The following XPO5 variants were observed in gnomAD, a reference collection of about 807,000 sequenced individuals.
XPO5 encodes the protein exportin 5, also known as exportin-5.
Under a neutral mutation model 160.6 loss-of-function variants are expected in XPO5, and 46 were observed. The observed-to-expected ratio is 0.29, with a 90% CI of 0.23 to 0.37. XPO5 has a LOEUF of 0.37. Among genes scored for constraint, XPO5 ranks in the 10% least tolerant of loss-of-function variants. The pLI is 1.00. For missense variants in XPO5, 1,090 were observed against 1,463.9 expected, an observed-to-expected ratio of 0.74 and a Z score of 4.17; for synonymous variants, 537 against 519.3, an observed-to-expected ratio of 1.03 and a Z score of -0.46.
At chr6:43,541,854 T>C (rs943208686) in intron 20 of XPO5, among the ~76,000 whole-genome samples, 1 of 152,226 alleles carries the variant, frequency 6.6e-6, no homozygotes, top group Non-Finnish European at 1.5e-5. Flanking sequence ...CTTAGCTCAC[T>C]GTAACCTCCA....
chr6:43,525,866 G>A lies in XPO5; in HGVS notation c.3039C>T (p.Asp1013=). Reference sequence around the variant, plus strand: ...CATGCTTCATCAGACATTTGCCCAGGTCTGTAAGCTCTGCCATAGCTGAGG... The same window carrying A: ...CATGCTTCATCAGACATTTGCCCAGATCTGTAAGCTCTGCCATAGCTGAGG... ...VTPSAMAELT[D]LGKCLMKHED... The change falls in exon 28 of 32, where the codon GAC becomes GAT. Residue 1013 remains aspartate, a synonymous_variant. Transcript: ENST00000265351. The A allele has an allele frequency of 6.2e-7, 1 of 1,614,012 alleles. No homozygotes were observed. Among genetic ancestry groups the A allele is most frequent in the Middle Eastern group, 1.6e-4 (1 of 6,062 alleles).
At chr6:43,548,954 C>T (rs1017506631) in intron 17 of XPO5, among the ~76,000 whole-genome samples, 2 of 152,098 alleles carry the variant, frequency 1.3e-5, no homozygotes, top group South Asian at 2.1e-4. Context: ...TAGGGGTAAA[C>T]TTAGTAATCT....
intron 20 of XPO5, 131 bp downstream of exon 20, chr6:43,546,440 A>T: frequency 1.2e-6 from 1 of 868,856 alleles, no homozygotes; most frequent in Non-Finnish European, 1.6e-6. Context: ...GACACCCTCT[A>T]GAAAGAAATA....
In XPO5 at chr6:43,531,487, A is replaced by C; in HGVS notation, c.2532T>G (p.Tyr844Ter). ...CAGCATTGGTTCCTTACCAGTTTTC[A>C]TAGAGGGTAGAGAAGAAACGCTGCA... ...ERMQRFFSTLYENCFHILGKA... is the reference protein window; with the variant it reads ...ERMQRFFSTL Residue 844 changes from tyrosine to a stop codon, truncating the protein, a stop_gained, in exon 22 of 32, where the codon TAT (tyrosine) becomes TAG (stop). Transcript: ENST00000265351. LOFTEE classifies it high-confidence loss of function. The C allele has an allele frequency of 6.2e-7, 1 of 1,613,554 alleles. No homozygotes were observed. The highest frequency in any genetic ancestry group is 8.5e-7 in the Non-Finnish European group (1 of 1,179,488).
intron 5 of XPO5, 91 bp downstream of exon 5, chr6:43,570,411 C>T: frequency 9.3e-7 from 1 of 1,075,038 alleles, no homozygotes; most frequent in Non-Finnish European, 1.2e-6. Context: ...TTTCATTTTG[C>T]TGACCTAGAC....
chr6:43,537,884 T>C (rs527793851), intron 20 of XPO5, among the ~76,000 whole-genome samples: 13 of 151,808 alleles, frequency 8.6e-5, no homozygotes, highest in Non-Finnish European at 1.6e-4. Context: ...CTGGGTAACA[T>C]GGCAAAACCC....
At chr6:43,526,538 G>A (rs1013033953) in intron 27 of XPO5, 147 bp downstream of exon 27, 2 of 826,706 alleles carry the variant, frequency 2.4e-6, no homozygotes, top group Non-Finnish European at 4.0e-6. Flanking sequence ...TATGATGGAG[G>A]CACACAGCAA....
At chr6:43,526,249 G>A (rs1793580877) in intron 27 of XPO5, 1 of 390,736 alleles carries the variant, frequency 2.6e-6, no homozygotes, top group South Asian at 3.4e-5. Context: ...AGGACAATAG[G>A]TCCCTTCCCT....
chr6:43,550,075 C>A, intron 15 of XPO5, 141 bp from the exon 16 acceptor site: 1 of 823,480 alleles, frequency 1.2e-6, no homozygotes, highest in East Asian at 2.7e-5. Context: ...GGACTACGGG[C>A]ATGAGCTTAT....
chr6:43,547,345 C>A, intron 19 of XPO5: 1 of 532,484 alleles, frequency 1.9e-6, no homozygotes, highest in Non-Finnish European at 3.4e-6. Flanking sequence ...CCTACTTCCT[C>A]ATTACACCTT....
At chr6:43,564,907 A>T (rs1005953250) in intron 8 of XPO5, among the ~76,000 whole-genome samples, 1 of 148,140 alleles carries the variant, frequency 6.8e-6, no homozygotes, top group African/African-American at 2.5e-5. Context: ...TTCAGCCATG[A>T]CTGCCTCATT....
At chr6:43,555,737 A>G (rs1272820818) in intron 13 of XPO5, 99 bp downstream of exon 13, 11 of 1,458,294 alleles carry the variant, frequency 7.5e-6, no homozygotes, top group Non-Finnish European at 9.3e-6. Flanking sequence ...TAGTATAAGT[A>G]TATCGTTCTG....
chr6:43,562,851 T>C (rs1012130995), intron 8 of XPO5, among the ~76,000 whole-genome samples: 3 of 152,140 alleles, frequency 2.0e-5, no homozygotes, highest in Non-Finnish European at 2.9e-5. Context: ...GACCTAAAAA[T>C]AGTAACTACC....
At chr6:43,548,536 A>G (rs1795074410) in intron 17 of XPO5, 76 bp from the exon 18 acceptor site, 2 of 1,327,414 alleles carry the variant, frequency 1.5e-6, no homozygotes, top group Non-Finnish European at 2.0e-6. Context: ...CTCAAGGAAG[A>G]AAGAAGAAAA....
At position 43,572,504 on chromosome 6, in the gene XPO5, A is replaced by C; in HGVS notation, c.300+2T>G. The C allele has an allele frequency of 6.2e-7, 1 of 1,613,880 alleles. No individual in the cohort carries two copies. Among genetic ancestry groups the C allele is most frequent in the Non-Finnish European group, 8.5e-7 (1 of 1,179,858 alleles). Reference sequence around the variant, plus strand: ...CATGTCTCCCAACCACCCATTCCTTACATTTGCAATCAGCTCCATGACACT... The same window carrying C: ...CATGTCTCCCAACCACCCATTCCTTCCATTTGCAATCAGCTCCATGACACT... On this transcript the variant is annotated splice_donor_variant, in intron 3 of 31. Transcript: ENST00000265351. LOFTEE classifies it high-confidence loss of function.
intron 30 of XPO5, 51 bp from the exon 31 acceptor site, chr6:43,524,686 C>T: frequency 1.3e-6 from 2 of 1,595,946 alleles, no homozygotes; most frequent in Non-Finnish European, 1.7e-6. Context: ...ATATTGCCAC[C>T]CTCCCCATTT....
In XPO5 at chr6:43,536,758, TAAAAAAAAAAAAAAAA is replaced by T. The variant is rs1156884252; in HGVS notation, c.2343-2767_2343-2752del. On this transcript the variant is annotated intron_variant, in intron 20 of 31. Transcript: ENST00000265351. ...CTGGACGACAGAGTGAGACTCTATC[TAAAAAAAAAAAAAAAA>T]AAAAAAAAAAAAAAAAGCAGCTTTA... is the stretch of plus-strand genomic sequence containing the variant. 2.0e-3 allele frequency among the ~76,000 whole-genome samples: 38 copies of T among 19,106 alleles called. 4 individuals are homozygous for T. Among genetic ancestry groups the T allele is most frequent in the Middle Eastern group, 0.038 (1 of 26 alleles). The allele number at this position is 19,106 out of a possible 152,430, so 12.5% of individuals were successfully genotyped here.
chr6:43,535,549 T>C, intron 20 of XPO5, among the ~76,000 whole-genome samples: 1 of 152,236 alleles, frequency 6.6e-6, no homozygotes, highest in Admixed American at 6.5e-5. Flanking sequence ...TTCTGTTTGT[T>C]CTTGCTTAAG....
At chr6:43,570,444 T>G in intron 5 of XPO5, 58 bp downstream of exon 5, 1 of 1,507,990 alleles carries the variant, frequency 6.6e-7, no homozygotes, top group South Asian at 1.3e-5. Flanking sequence ...TACTGTAAGA[T>G]TAATCAAAAA....
Sources: gnomAD v4.1 joint callset for allele counts (sites outside exome capture counted in the v4.1 genomes callset) on GRCh38, gnomAD v4.1.1 for gene constraint, MANE v1.5 for transcripts, NCBI Gene and HGNC (gene_info 2026-07-23, HGNC 2026-07-21) for gene names.